The following DACH2 variants were observed in gnomAD, a reference collection of about 807,000 sequenced individuals.
DACH2 encodes the protein dachshund family transcription factor 2.
A neutral mutation model predicts 35.8 loss-of-function variants in DACH2; 17 were observed. The ratio of observed to expected loss-of-function variants is 0.48; its 90% CI spans 0.33 to 0.71. DACH2 has a LOEUF of 0.71. Ranked by LOEUF, DACH2 falls within the 30% of genes least tolerant of loss-of-function variation. The pLI, the probability that DACH2 is intolerant of heterozygous loss-of-function variation, is 0.02. For synonymous variants in DACH2, 195 were observed against 177.3 expected (o/e 1.10, Z -0.79); for missense variants, 469 against 472.7 (o/e 0.99, Z 0.07).
At position 86,291,863 on chromosome X, in the gene DACH2, G is replaced by T. The variant is rs6623624; in HGVS notation, c.489-84961G>T. ...TGAGGATTTTTGCATCAATGTTCAT[G>T]AAGGATATTGGTCTAAAATTCTCTT... On this transcript the variant is annotated intron_variant, in intron 1 of 11. Coordinates refer to ENST00000373125, the MANE Select transcript of DACH2 (RefSeq NM_053281.3). Among the ~76,000 whole-genome samples, 5 of 37,967 alleles carry T rather than the reference G, an allele frequency of 1.3e-4. 1 individual carries two copies. The Admixed American group carries it at 1.6e-3, about 12-fold the overall frequency. The allele number at this position is 37,967 out of a possible 115,157, so 33.0% of individuals were successfully genotyped here. A position where few individuals can be genotyped will look rare whatever the true frequency, so the allele number is the denominator to read the frequency against.
rs192162600 is a variant in DACH2 at position 86,584,666 on chromosome X, T to C, written c.641-66370T>C. On this transcript the variant is annotated intron_variant, in intron 3 of 11. Transcript: ENST00000373125. ...GGTCATTCATTAATTTTCTTAGTCA[T>C]AATTTTTGCGAGTACATAACGGGTG... Among the ~76,000 whole-genome samples, 203 of 111,176 alleles carry C rather than the reference T, an allele frequency of 1.8e-3. 1 individual carries two copies. Among genetic ancestry groups the C allele is most frequent in the Non-Finnish European group, 3.6e-4 (19 of 52,807 alleles).
intron 3 of DACH2, among the ~76,000 whole-genome samples, chrX:86,605,201 G>T (rs2039841244): frequency 9.0e-6 from 1 of 111,198 alleles, no homozygotes; most frequent in Non-Finnish European, 1.9e-5. Flanking sequence ...TTTCATTTTA[G>T]TTATTTCTGT....
chrX:86,641,311 C>A (rs1224835048), intron 3 of DACH2, among the ~76,000 whole-genome samples: 1 of 111,827 alleles, frequency 8.9e-6, no homozygotes, highest in Admixed American at 9.5e-5. Flanking sequence ...ACAATGCAGT[C>A]ACAAGTGTCA....
At chrX:86,343,568 A>G (rs1197154839) in intron 1 of DACH2, among the ~76,000 whole-genome samples, 1 of 111,065 alleles carries the variant, frequency 9.0e-6, no homozygotes, top group Non-Finnish European at 1.9e-5. Flanking sequence ...TATTGTCTAG[A>G]GGAAAAGAGA....
chrX:86,416,979 A>T (rs780519618), intron 2 of DACH2, among the ~76,000 whole-genome samples: 1 of 106,239 alleles, frequency 9.4e-6, no homozygotes, highest in Admixed American at 1.0e-4. Flanking sequence ...CTGTAGTCCC[A>T]GCTACTCAGG....
intron 2 of DACH2, among the ~76,000 whole-genome samples, chrX:86,399,522 G>T (rs2036377164): frequency 8.9e-6 from 1 of 112,005 alleles, no homozygotes; most frequent in Middle Eastern, 4.6e-3. Context: ...GCCGGTACCA[G>T]TTGTTCCTTT....
intron 3 of DACH2, among the ~76,000 whole-genome samples, chrX:86,588,759 T>C (rs2039606919): frequency 9.0e-6 from 1 of 111,302 alleles, no homozygotes; most frequent in African/African-American, 3.3e-5. Context: ...TAGGAGCCTT[T>C]TGGTGGAGTC....
intron 6 of DACH2, among the ~76,000 whole-genome samples, chrX:86,723,742 G>A (rs2041434039): frequency 8.9e-6 from 1 of 111,842 alleles, no homozygotes; most frequent in South Asian, 3.7e-4. Flanking sequence ...TGTTCCATGT[G>A]CTGAAGAGAA....
At chrX:86,293,935 G>T (rs1277775073) in intron 1 of DACH2, among the ~76,000 whole-genome samples, 1 of 110,859 alleles carries the variant, frequency 9.0e-6, no homozygotes, top group Admixed American at 9.6e-5. Flanking sequence ...TATCTTTGTG[G>T]CATTCTCTGT....
intron 2 of DACH2, among the ~76,000 whole-genome samples, chrX:86,441,517 A>G (rs1287261127): frequency 4.9e-5 from 5 of 102,844 alleles, no homozygotes; most frequent in Non-Finnish European, 7.9e-5. Context: ...GTGTGTGTGT[A>G]TACACCACAT....
At chrX:86,346,145 G>A (rs962762766) in intron 1 of DACH2, among the ~76,000 whole-genome samples, 3 of 111,160 alleles carry the variant, frequency 2.7e-5, no homozygotes, top group African/African-American at 9.8e-5. Context: ...CAAAATTGCC[G>A]TGATGGTAAA....
At chrX:86,593,604 T>G (rs1440812015) in intron 3 of DACH2, among the ~76,000 whole-genome samples, 2 of 107,892 alleles carry the variant, frequency 1.9e-5, no homozygotes, top group African/African-American at 6.8e-5. Context: ...GTTTTGTACT[T>G]TTTGTAGAGA....
chrX:86,382,284 A>C (rs968172475), intron 2 of DACH2, among the ~76,000 whole-genome samples: 3 of 109,533 alleles, frequency 2.7e-5, no homozygotes, highest in African/African-American at 9.9e-5. Context: ...AAAGATCTGG[A>C]TCTTTATCCT....
At chrX:86,509,704 C>G (rs1163324515) in intron 2 of DACH2, among the ~76,000 whole-genome samples, 1 of 111,656 alleles carries the variant, frequency 9.0e-6, no homozygotes, top group Admixed American at 9.6e-5. Context: ...ACTGTTCTGG[C>G]AAAATAAAGA....
At chrX:86,496,772 A>G (rs754793672) in intron 2 of DACH2, among the ~76,000 whole-genome samples, 9 of 110,429 alleles carry the variant, frequency 8.2e-5, no homozygotes, top group Non-Finnish European at 1.7e-4. Context: ...CAGAACCTAA[A>G]TGGCTTGAAA....
rs2038141827 is a variant in DACH2 at position 86,494,704 on chromosome X, A to T, written c.528-19575A>T. On this transcript the variant is annotated intron_variant, in intron 2 of 11. Transcript: ENST00000373125. ...TTCCATCTCTGAGTCAACAAGTGGT[A>T]CCTTAATCTTCTTTCATGTCATCTT... Among the ~76,000 whole-genome samples the T allele has an allele frequency of 1.1e-4, 12 of 112,551 alleles. No individual in the cohort carries two copies. The Admixed American group carries it at 1.1e-3, about 11-fold the overall frequency.
intron 1 of DACH2, among the ~76,000 whole-genome samples, chrX:86,247,281 C>A (rs1225028783): frequency 9.0e-6 from 1 of 111,102 alleles, no homozygotes; most frequent in East Asian, 2.8e-4. Context: ...CAGAACTGAA[C>A]TGAATGAAAT....
intron 5 of DACH2, among the ~76,000 whole-genome samples, chrX:86,695,783 G>A (rs1261420591): frequency 1.8e-5 from 2 of 110,448 alleles, no homozygotes; most frequent in African/African-American, 6.6e-5. Context: ...AAAGTGCTGG[G>A]ATTACAGGTG....
At chrX:86,359,115 T>TGTGTGTG (rs1569362535) in intron 1 of DACH2, among the ~76,000 whole-genome samples, 3 of 88,596 alleles carry the variant, frequency 3.4e-5, no homozygotes, top group Admixed American at 2.3e-4. Context: ...GTGTGTGTGT[T>TGTGTGTG]TGTGTGTGCA....
Sources: allele counts gnomAD v4.1 joint callset (sites outside exome capture counted in the v4.1 genomes callset), GRCh38; gene constraint gnomAD v4.1.1; transcripts MANE v1.5; gene names NCBI Gene and HGNC (gene_info 2026-07-23, HGNC 2026-07-21).